DNAJB6: variants seen among roughly 807,000 people sequenced by gnomAD.
DNAJB6 encodes the protein dnaJ homolog subfamily B member 6.
In DNAJB6, 16 loss-of-function variants were observed where a neutral mutation model predicts 42.7. The ratio of observed to expected loss-of-function variants is 0.37; its 90% confidence interval spans 0.25 to 0.57. DNAJB6 has a LOEUF of 0.57. DNAJB6 is among the 20% of genes least tolerant of loss of function. DNAJB6 has a pLI of 0.74. For synonymous variants in DNAJB6, 170 were observed against 163.5 expected (o/e 1.04, Z -0.30); for missense variants, 347 against 416.8 (o/e 0.83, Z 1.46).
At chr7:157,354,755 G>T (rs113477951) in intron 1 of DNAJB6, among the ~76,000 whole-genome samples, 47 of 152,312 alleles carry the variant, frequency 3.1e-4, no homozygotes, top group African/African-American at 9.9e-4. Context: ...AACAGTGAAT[G>T]AATTTCATTT....
chr7:157,391,939 C>CA, intron 8 of DNAJB6, among the ~76,000 whole-genome samples: 1 of 151,796 alleles, frequency 6.6e-6, no homozygotes, highest in East Asian at 1.9e-4. Context: ...CACGTCTCTA[C>CA]AAAAAATATG....
chr7:157,355,317 C>T (rs947655671), intron 1 of DNAJB6, among the ~76,000 whole-genome samples: 1 of 152,186 alleles, frequency 6.6e-6, no homozygotes, highest in Non-Finnish European at 1.5e-5. Context: ...CCCGCCACCT[C>T]TCTTGGCTAA....
chr7:157,411,941 C>G (rs1795990746), intron 9 of DNAJB6: 1 of 152,242 alleles, frequency 6.6e-6, no homozygotes, highest in African/African-American at 2.4e-5. Context: ...AACACAAATC[C>G]TTAGAGCAAA....
chr7:157,349,170 C>A (rs1175749974), intron 1 of DNAJB6, among the ~76,000 whole-genome samples: 1 of 152,028 alleles, frequency 6.6e-6, no homozygotes, highest in Admixed American at 6.6e-5. Context: ...GGTGTGAGAC[C>A]CTGCAACGGC....
chr7:157,393,933 C>T (rs917738), intron 8 of DNAJB6, among the ~76,000 whole-genome samples: 103,721 of 152,068 alleles, frequency 0.68, 37,024 homozygotes, highest in African/African-American at 0.91. Flanking sequence ...TCACTGGAAG[C>T]ATCCACGGTG....
chr7:157,404,472 T>G (rs1795676233), intron 8 of DNAJB6, among the ~76,000 whole-genome samples: 3 of 150,214 alleles, frequency 2.0e-5, no homozygotes, highest in Admixed American at 2.0e-4. Flanking sequence ...TTGTCTTTTT[T>G]TTTTTTTTTT....
chr7:157,400,104 T>C (rs1193726685), intron 8 of DNAJB6, among the ~76,000 whole-genome samples: 1 of 152,214 alleles, frequency 6.6e-6, no homozygotes, highest in Non-Finnish European at 1.5e-5. Context: ...GAAGTAGATA[T>C]TGATCACTAA....
intron 9 of DNAJB6, chr7:157,410,269 G>C: frequency 2.8e-6 from 2 of 715,012 alleles, no homozygotes; most frequent in Non-Finnish European, 4.1e-6. Flanking sequence ...TGACAGAGCT[G>C]CCACGGCAGT....
intron 1 of DNAJB6, among the ~76,000 whole-genome samples, chr7:157,352,055 C>T (rs924678845): frequency 4.0e-5 from 6 of 151,706 alleles, no homozygotes; most frequent in Non-Finnish European, 8.8e-5. Flanking sequence ...ATATTTACTC[C>T]AATTTGTGGC....
intron 1 of DNAJB6, among the ~76,000 whole-genome samples, chr7:157,353,220 AC>A (rs904084300): frequency 2.3e-4 from 34 of 150,254 alleles, no homozygotes; most frequent in African/African-American, 7.3e-4. Flanking sequence ...GAGCTGCCGC[AC>A]CCGGTCCAGT....
intron 2 of DNAJB6, among the ~76,000 whole-genome samples, chr7:157,362,077 A>G (rs1025852864): frequency 6.6e-6 from 1 of 151,526 alleles, no homozygotes; most frequent in African/African-American, 2.4e-5. Flanking sequence ...TTTTTTTTGT[A>G]TTTAAATAGC....
intron 1 of DNAJB6, among the ~76,000 whole-genome samples, chr7:157,349,268 A>G (rs895212877): frequency 2.0e-5 from 3 of 152,184 alleles, no homozygotes; most frequent in Non-Finnish European, 4.4e-5. Context: ...TGTTATAAAT[A>G]GTAAGTTTGT....
intron 5 of DNAJB6, among the ~76,000 whole-genome samples, chr7:157,369,717 GCCCCTTCTTC>G (rs1800039677): frequency 6.9e-6 from 1 of 143,998 alleles, no homozygotes; most frequent in African/African-American, 2.6e-5. Flanking sequence ...TATTAAACGG[GCCCCTTCTTC>G]ACATTATTAT....
chr7:157,342,385 T>G (rs549635628), intron 1 of DNAJB6, among the ~76,000 whole-genome samples: 104 of 130,218 alleles, frequency 8.0e-4, no homozygotes, highest in African/African-American at 2.8e-3. Context: ...TTGCCCAGGC[T>G]GGAGTGCAGT....
chr7:157,356,351 G>C (rs1253209006), intron 1 of DNAJB6, among the ~76,000 whole-genome samples: 1 of 152,230 alleles, frequency 6.6e-6, no homozygotes, highest in South Asian at 2.1e-4. Context: ...CCTGCTGCTT[G>C]TTGCCTGCTC....
At chr7:157,378,963 A>G (rs956798408) in intron 5 of DNAJB6, 1 of 152,134 alleles carries the variant, frequency 6.6e-6, no homozygotes, top group Non-Finnish European at 1.5e-5. Flanking sequence ...TTTTAGGGTA[A>G]TTTGTGATTT....
chr7:157,386,296 T>A (rs1214536803), intron 8 of DNAJB6: 1 of 985,104 alleles, frequency 1.0e-6, no homozygotes, highest in Non-Finnish European at 1.2e-6. Flanking sequence ...GCGAATGTGT[T>A]GGTGCATTCT....
At chr7:157,355,411 C>T (rs112319068) in intron 1 of DNAJB6, among the ~76,000 whole-genome samples, 3,429 of 152,252 alleles carry the variant, frequency 0.023, 134 homozygotes, top group East Asian at 0.17. Flanking sequence ...CTGCCCGCCT[C>T]GGCCTCCCAA....
At chr7:157,397,675 GTTAT>G (rs917787662) in intron 8 of DNAJB6, among the ~76,000 whole-genome samples, 1 of 152,238 alleles carries the variant, frequency 6.6e-6, no homozygotes, top group Non-Finnish European at 1.5e-5. Flanking sequence ...TCTTGGAGCA[GTTAT>G]TTCCAAACCG....
Sources: gnomAD v4.1 joint callset for allele counts (sites outside exome capture counted in the v4.1 genomes callset) on GRCh38, gnomAD v4.1.1 for gene constraint, MANE v1.5 for transcripts, NCBI Gene and HGNC (gene_info 2026-07-23, HGNC 2026-07-21) for gene names.